The following PIK3C2A variants were observed in gnomAD, a reference collection of about 807,000 sequenced individuals.
PIK3C2A encodes phosphatidylinositol 4-phosphate 3-kinase C2 domain-containing subunit alpha.
In PIK3C2A, 97 loss-of-function variants were observed where a neutral mutation model predicts 204.5. That is an observed-to-expected ratio of 0.47 (90% CI 0.40 to 0.56). The LOEUF is 0.56. Among genes scored for constraint, PIK3C2A ranks in the 20% least tolerant of loss-of-function variants. The probability of loss-of-function intolerance (pLI) is 0.00; values close to 1 mark genes in which losing one functional copy is unlikely to be tolerated. For synonymous variants in PIK3C2A, 653 were observed against 664.4 expected (o/e 0.98, Z 0.26); for missense variants, 1,735 against 1,969.2 (o/e 0.88, Z 2.25).
At position 17,105,205 on chromosome 11, in the gene PIK3C2A, T is replaced by C; in HGVS notation, c.3645A>G (p.Leu1215=). Residue 1215 remains leucine (L), a synonymous_variant, in exon 23 of 33, where the codon CTA becomes CTG. Transcript: ENST00000691414. ...CTTCTTCAGAGGGATTGTATTTCCTTAGCCACTCTGCAAGTGGTTTATCTT... is the reference window on the plus strand; with the variant it reads ...CTTCTTCAGAGGGATTGTATTTCCTCAGCCACTCTGCAAGTGGTTTATCTT... The part of the protein sequence containing the change: ...SFKDKPLAEW[L]RKYNPSEEEY... 1.9e-6 allele frequency: 3 copies of C among 1,610,424 alleles called. No homozygotes were observed. The highest frequency in any genetic ancestry group is 2.5e-6 in the Non-Finnish European group (3 of 1,176,710).
At position 17,122,201 on chromosome 11, in the gene PIK3C2A, C is replaced by A. The variant is rs1394559748; in HGVS notation, c.2644G>T (p.Asp882Tyr). The change falls in exon 15 of 33, where the codon GAC (aspartate) becomes TAC (tyrosine). Residue 882 changes from aspartate to tyrosine, a missense_variant. Transcript: ENST00000691414. ...AACAGAACATACCCAAGTGATGAGT[C>A]TTTATGAAGAATATCAAGAAGTTTC... The part of the protein sequence containing the change: ...KGKLLDILHK[D>Y]SSLGLSKEDK... The A allele has an allele frequency of 1.9e-6, 3 of 1,585,700 alleles. No homozygotes were observed. The highest frequency in any genetic ancestry group is 4.5e-5 in the East Asian group (2 of 44,534).
At chr11:17,150,397 C>T (rs1362099359) in intron 4 of PIK3C2A, 101 bp downstream of exon 4, 13 of 1,026,820 alleles carry the variant, frequency 1.3e-5, no homozygotes, top group African/African-American at 1.7e-5. Flanking sequence ...GCCAAAAAGA[C>T]ACATAACAAA....
intron 4 of PIK3C2A, among the ~76,000 whole-genome samples, chr11:17,150,122 T>C (rs1256544367): frequency 6.6e-6 from 1 of 152,176 alleles, no homozygotes; most frequent in African/African-American, 2.4e-5. Flanking sequence ...TAAAAGAGAA[T>C]TATCTTCTCC....
intron 8 of PIK3C2A, chr11:17,141,280 T>TC (rs1850057238): frequency 6.7e-6 from 1 of 148,530 alleles, no homozygotes; most frequent in Non-Finnish European, 1.5e-5. Flanking sequence ...TCTTTTCCTT[T>TC]TTTTTTTTTT....
chr11:17,145,706 A>T lies in PIK3C2A; in HGVS notation c.1666T>A (p.Ser556Thr), dbSNP rs1441324365. ...TRHPVEELLD[S>T]YHNQVELALQ... ...GCCAGTTCTACTTGGTTGTGATAAG[A>T]ATCTAAGAGTTCTTCAACAGGGTGT... The change falls in exon 8 of 33, where the codon TCT becomes ACT. Residue 556 changes from serine to threonine, a missense_variant. This residue lies in a region of PIK3C2A where 106 missense variants were observed against 108.2 expected (regional missense o/e 0.98). Transcript: ENST00000691414. The T allele has an allele frequency of 3.7e-6, 6 of 1,609,282 alleles. No homozygotes were observed. Among genetic ancestry groups the T allele is most frequent in the Non-Finnish European group, 5.1e-6 (6 of 1,176,000 alleles).
chr11:17,143,632 A>C (rs1405307871), intron 8 of PIK3C2A, among the ~76,000 whole-genome samples: 1 of 151,988 alleles, frequency 6.6e-6, no homozygotes, highest in African/African-American at 2.4e-5. Context: ...TTAAAAAAAA[A>C]AAAAACAAAA....
chr11:17,205,549 C>A (rs1287340066), intron 1 of PIK3C2A, among the ~76,000 whole-genome samples: 1 of 149,660 alleles, frequency 6.7e-6, no homozygotes, highest in African/African-American at 2.5e-5. Flanking sequence ...ATGCTTTGCA[C>A]TACTGCTGCT....
Position 17,169,060 on chromosome 11 carries a change from C to G in PIK3C2A, c.682G>C (p.Asp228His). ...VVSTDMAKLF[D>H]KIASTSEFLK... ...AATTCTGATGTACTAGCTATTTTGT[C>G]AAATAGTTTTGCCATGTCAGTACTG... Residue 228 changes from aspartate to histidine, a missense_variant, in exon 2 of 33, where the codon GAC becomes CAC. Physicochemically the swap from Asp to His is moderately conservative, Grantham distance 81. This residue lies in a region of PIK3C2A where 536 missense variants were observed against 546.7 expected (regional missense o/e 0.98). Transcript: ENST00000691414. 1.9e-6 allele frequency: 3 copies of G among 1,614,014 alleles called. No homozygotes were observed. The highest frequency in any genetic ancestry group is 2.5e-6 in the Non-Finnish European group (3 of 1,179,948).
chr11:17,095,092 T>A (rs1248640853), intron 27 of PIK3C2A, among the ~76,000 whole-genome samples: 1 of 151,796 alleles, frequency 6.6e-6, no homozygotes, highest in African/African-American at 2.4e-5. Flanking sequence ...CTATAAAAAA[T>A]ATAAAGATTA....
intron 1 of PIK3C2A, among the ~76,000 whole-genome samples, chr11:17,179,188 G>T (rs1160155354): frequency 1.3e-5 from 2 of 152,036 alleles, no homozygotes; most frequent in African/African-American, 4.8e-5. Flanking sequence ...TGAAGACAGG[G>T]TCTAGCTCTG....
chr11:17,101,566 T>C (rs904496372), intron 24 of PIK3C2A, 132 bp from the exon 25 acceptor site: 2 of 432,242 alleles, frequency 4.6e-6, no homozygotes, highest in Non-Finnish European at 8.2e-6. Context: ...CACACACTTT[T>C]GAATTTCCAT....
intron 26 of PIK3C2A, among the ~76,000 whole-genome samples, chr11:17,098,030 T>TCA (rs2137276466): frequency 6.6e-6 from 1 of 152,346 alleles, no homozygotes; most frequent in Non-Finnish European, 1.5e-5. Flanking sequence ...AATCATATTT[T>TCA]CATTCAGTTG....
intron 2 of PIK3C2A, among the ~76,000 whole-genome samples, chr11:17,160,376 A>G (rs959172027): frequency 6.6e-6 from 1 of 152,240 alleles, no homozygotes; most frequent in Non-Finnish European, 1.5e-5. Flanking sequence ...CCAGGGCAAC[A>G]GAAGTTTCAA....
chr11:17,150,196 T>C (rs1231036714), intron 4 of PIK3C2A, among the ~76,000 whole-genome samples: 2 of 152,322 alleles, frequency 1.3e-5, no homozygotes, highest in East Asian at 3.9e-4. Context: ...TAAGCAAGCA[T>C]GCTTCCTGTC....
At chr11:17,134,330 G>C (rs1244235368) in intron 11 of PIK3C2A, among the ~76,000 whole-genome samples, 1 of 151,454 alleles carries the variant, frequency 6.6e-6, no homozygotes, top group Non-Finnish European at 1.5e-5. Context: ...TCAGCCTTCT[G>C]AGTAGCTGGG....
chr11:17,150,485 A>T lies in PIK3C2A; in HGVS notation c.1327+13T>A, dbSNP rs750063818. ...CAGAGCAAAACGAGAGGCTTGAGGA[A>T]CCATAAACCTACCATCACACGTAAA... On this transcript the variant is annotated intron_variant, in intron 4 of 32. Transcript: ENST00000691414. 3.1e-6 allele frequency: 5 copies of T among 1,590,290 alleles called. No individual in the cohort carries two copies. In the Admixed American group the frequency reaches 9.0e-5, roughly 29 times the overall value.
chr11:17,207,643 G>A (rs879433662), intron 1 of PIK3C2A, among the ~76,000 whole-genome samples: 2 of 152,034 alleles, frequency 1.3e-5, no homozygotes, highest in South Asian at 2.1e-4. Flanking sequence ...ACTTGCTCAC[G>A]GCCTGGGTGG....
chr11:17,174,607 A>AC (rs1851281859), intron 1 of PIK3C2A, among the ~76,000 whole-genome samples: 1 of 144,860 alleles, frequency 6.9e-6, no homozygotes, highest in Non-Finnish European at 1.5e-5. Context: ...AAAAAAAAAA[A>AC]AACAAAACAG....
At chr11:17,154,325 T>C (rs906736104) in intron 3 of PIK3C2A, among the ~76,000 whole-genome samples, 1 of 152,134 alleles carries the variant, frequency 6.6e-6, no homozygotes, top group Non-Finnish European at 1.5e-5. Flanking sequence ...TTTCCTAAGG[T>C]ATTCTGAAGA....
Sources: allele counts gnomAD v4.1 joint callset (sites outside exome capture counted in the v4.1 genomes callset), GRCh38; gene constraint gnomAD v4.1.1; regional missense constraint gnomAD v4.1.1; transcripts MANE v1.5; gene names NCBI Gene and HGNC (gene_info 2026-07-23, HGNC 2026-07-21).